The following PIK3C2G variants were observed in gnomAD, a reference collection of about 807,000 sequenced individuals.
PIK3C2G encodes phosphatidylinositol 3-kinase C2 domain-containing subunit gamma.
PIK3C2G carries 168 observed loss-of-function variants against 181.1 expected under a neutral mutation model. The observed-to-expected ratio is 0.93, with a 90% CI of 0.82 to 1.05. The LOEUF (loss-of-function observed/expected upper bound fraction) is 1.05. Ranked by LOEUF, PIK3C2G falls within the 50% of genes least tolerant of loss-of-function variation. The pLI, the probability that PIK3C2G is intolerant of heterozygous loss-of-function variation, is 0.00. For synonymous variants in PIK3C2G, 573 were observed against 592.2 expected (o/e 0.97, Z 0.47); for missense variants, 1,869 against 1,732.8 (o/e 1.08, Z -1.40).
At chr12:18,395,136 C>T (rs1943798457) in intron 15 of PIK3C2G, among the ~76,000 whole-genome samples, 1 of 142,294 alleles carries the variant, frequency 7.0e-6, no homozygotes, top group African/African-American at 2.6e-5. Context: ...TTCTTTCTTT[C>T]TCTCTCTCTC....
chr12:18,624,686 G>A (rs1374633262), intron 31 of PIK3C2G, among the ~76,000 whole-genome samples: 3 of 151,574 alleles, frequency 2.0e-5, no homozygotes, highest in Admixed American at 1.3e-4. Flanking sequence ...TTTTTGAGGA[G>A]AGACTTTTTA....
intron 18 of PIK3C2G, among the ~76,000 whole-genome samples, chr12:18,444,866 A>G (rs1016292414): frequency 5.3e-5 from 8 of 152,162 alleles, no homozygotes; most frequent in African/African-American, 1.7e-4. Flanking sequence ...ATGCTTTTGT[A>G]TAATTTTAGT....
intron 11 of PIK3C2G, among the ~76,000 whole-genome samples, chr12:18,360,784 T>G (rs918475994): frequency 1.3e-5 from 2 of 152,284 alleles, no homozygotes; most frequent in East Asian, 3.9e-4. Flanking sequence ...TCTAGCTGCT[T>G]GTGAAATGGT....
chr12:18,507,008 C>T (rs1431276490), intron 24 of PIK3C2G, among the ~76,000 whole-genome samples: 1 of 151,872 alleles, frequency 6.6e-6, no homozygotes, highest in African/African-American at 2.4e-5. Flanking sequence ...AAATTTACCA[C>T]ATATTCATTC....
At chr12:18,427,452 G>A (rs1316245801) in intron 18 of PIK3C2G, among the ~76,000 whole-genome samples, 2 of 142,506 alleles carry the variant, frequency 1.4e-5, no homozygotes, top group Non-Finnish European at 3.0e-5. Flanking sequence ...AGTGAGCCGA[G>A]ATCGCGCCAT....
At chr12:18,407,854 A>T (rs1158908364) in intron 16 of PIK3C2G, among the ~76,000 whole-genome samples, 1 of 152,152 alleles carries the variant, frequency 6.6e-6, no homozygotes, top group African/African-American at 2.4e-5. Flanking sequence ...CACATAGGAA[A>T]CTGGAAGAGA....
the PIK3C2G span, among the ~76,000 whole-genome samples, chr12:18,706,605 A>C: frequency 0.036 from 5,475 of 152,246 alleles, 133 homozygotes; most frequent in East Asian, 0.084. Flanking sequence ...CTTGCCATTA[A>C]ATAGGGAACA....
intron 20 of PIK3C2G, among the ~76,000 whole-genome samples, chr12:18,491,948 A>G (rs1000832871): frequency 3.3e-5 from 5 of 152,176 alleles, no homozygotes; most frequent in Admixed American, 1.3e-4. Flanking sequence ...GTACACGAAC[A>G]TTAGTCATTA....
intron 24 of PIK3C2G, among the ~76,000 whole-genome samples, chr12:18,508,466 C>G (rs1000334313): frequency 1.3e-5 from 2 of 152,104 alleles, no homozygotes; most frequent in African/African-American, 2.4e-5. Context: ...TTTAGGTACA[C>G]AAAAGTCCTT....
At chr12:18,570,201 A>T (rs1036534408) in intron 29 of PIK3C2G, among the ~76,000 whole-genome samples, 8 of 151,374 alleles carry the variant, frequency 5.3e-5, no homozygotes, top group Admixed American at 5.3e-4. Flanking sequence ...TTTATCCATA[A>T]ATAAAATGCA....
intron 8 of PIK3C2G, among the ~76,000 whole-genome samples, chr12:18,337,696 C>T (rs1018889700): frequency 1.3e-5 from 2 of 152,170 alleles, no homozygotes; most frequent in Non-Finnish European, 2.9e-5. Flanking sequence ...ACTGCAAAGA[C>T]AGCACCAAGC....
chr12:18,381,833 A>T lies in PIK3C2G; in HGVS notation c.1948A>T (p.Thr650Ser). ...LQSEPPVEMITPGVWDVSQPS... is the reference protein window; with the variant it reads ...LQSEPPVEMISPGVWDVSQPS... ...GAGTGAGCCTCCCGTAGAAATGATAACTCCAGGAGTGTGGGATGTAAGTCA... is the reference window on the plus strand; with the variant it reads ...GAGTGAGCCTCCCGTAGAAATGATATCTCCAGGAGTGTGGGATGTAAGTCA... The change falls in exon 14 of 33, where the codon ACT (threonine) becomes TCT (serine). Residue 650 changes from threonine (T) to serine (S), a missense_variant. Transcript: ENST00000538779. 1 of 1,613,644 alleles carries T rather than the reference A, an allele frequency of 6.2e-7. No individual in the cohort carries two copies. The highest frequency in any genetic ancestry group is 1.3e-5 in the African/African-American group (1 of 74,988).
At chr12:18,483,702 A>G (rs1303535831) in intron 18 of PIK3C2G, among the ~76,000 whole-genome samples, 1 of 152,174 alleles carries the variant, frequency 6.6e-6, no homozygotes, top group Admixed American at 6.5e-5. Context: ...GTTTAAAAAA[A>G]TGTGCTTTCC....
chr12:18,668,129 T>C, the PIK3C2G span, among the ~76,000 whole-genome samples: 1 of 152,200 alleles, frequency 6.6e-6, no homozygotes, highest in Non-Finnish European at 1.5e-5. Context: ...TGTATTATCT[T>C]AATCTCTCTG....
rs141648430 is a variant in PIK3C2G, at chr12:18,297,721, C to T, written c.1034+3706C>T. 3.3e-5 allele frequency among the ~76,000 whole-genome samples: 5 copies of T among 152,086 alleles called. No homozygotes were observed. The East Asian group carries it at 9.7e-4, about 29-fold the overall frequency. On this transcript the variant is annotated intron_variant, in intron 5 of 32. Coordinates refer to ENST00000538779, the MANE Select transcript of PIK3C2G (RefSeq NM_001288772.2). ...ACCCTTCCCAGGCTCTTATAACTAT[C>T]ATGCTACACTCTAACTCCGTGAGAT...
chr12:18,343,418 C>T (rs900053984), intron 10 of PIK3C2G, 58 bp downstream of exon 10: 38 of 896,748 alleles, frequency 4.2e-5, no homozygotes, highest in Non-Finnish European at 6.5e-5. Context: ...GTTACAGAAT[C>T]CAAAATACTT....
chr12:18,363,235 C>T (rs1424817867), intron 12 of PIK3C2G: 1 of 159,124 alleles, frequency 6.3e-6, no homozygotes, highest in African/African-American at 2.4e-5. Context: ...GAAAAGACAA[C>T]CCTCCTGATA....
the PIK3C2G span, among the ~76,000 whole-genome samples, chr12:18,702,818 C>CTTTTTTTTT: frequency 4.3e-5 from 5 of 116,596 alleles, no homozygotes; most frequent in Non-Finnish European, 5.0e-5. Context: ...GATAAAGTAA[C>CTTTTTTTTT]TTTTTTTTTT....
intron 18 of PIK3C2G, among the ~76,000 whole-genome samples, chr12:18,466,809 C>T (rs1189094838): frequency 6.6e-6 from 1 of 151,984 alleles, no homozygotes; most frequent in African/African-American, 2.4e-5. Context: ...AGATAATCAC[C>T]ATTACCCTTC....
Sources: gnomAD v4.1 joint callset for allele counts (sites outside exome capture counted in the v4.1 genomes callset) on GRCh38, gnomAD v4.1.1 for gene constraint, MANE v1.5 for transcripts, NCBI Gene and HGNC (gene_info 2026-07-23, HGNC 2026-07-21) for gene names.